Variants in ARHGAP6 observed in about 807,000 individuals in gnomAD.
The protein encoded by ARHGAP6 is rho GTPase-activating protein 6.
Under a neutral mutation model 55.7 loss-of-function variants are expected in ARHGAP6, and 16 were observed. The observed-to-expected ratio is 0.29, with a 90% CI of 0.19 to 0.44. The LOEUF (loss-of-function observed/expected upper bound fraction) is 0.44. Among genes scored for constraint, ARHGAP6 ranks in the 20% least tolerant of loss-of-function variants. The pLI is 1.00. For missense variants in ARHGAP6, 698 were observed against 808.9 expected (o/e 0.86, Z 1.66); for synonymous variants, 382 against 360.9 (o/e 1.06, Z -0.66).
intron 1 of ARHGAP6, among the ~76,000 whole-genome samples, chrX:11,469,921 T>A (rs1296764889): frequency 9.0e-6 from 1 of 111,285 alleles, no homozygotes; most frequent in Non-Finnish European, 1.9e-5. Context: ...CCAGTGCCCA[T>A]GTTGCATAAA....
Position 11,138,260 on chromosome X carries a change from C to G in ARHGAP6, c.*603G>C, listed in dbSNP as rs1349399911. Reference sequence around the variant, plus strand: ...CATTCAGTGATTTTTCTTTTTGTATCTGACTCCTATGTAAAAATATGGCTT... The same window carrying G: ...CATTCAGTGATTTTTCTTTTTGTATGTGACTCCTATGTAAAAATATGGCTT... On this transcript the variant is annotated 3_prime_UTR_variant, in exon 13 of 13. Transcript: ENST00000337414. 4 of 111,921 alleles carry G rather than the reference C, an allele frequency of 3.6e-5. No homozygotes were observed. Among genetic ancestry groups the G allele is most frequent in the South Asian group, 7.3e-4 (2 of 2,727 alleles). 9.2% of individuals were successfully genotyped at this position (111,921 alleles called of 1,213,427 possible). A position where few individuals can be genotyped will look rare whatever the true frequency, so the allele number is the denominator to read the frequency against.
chrX:11,180,976 A>G (rs2046307200), intron 6 of ARHGAP6, among the ~76,000 whole-genome samples: 1 of 112,554 alleles, frequency 8.9e-6, no homozygotes, highest in South Asian at 3.7e-4. Context: ...GTGATCTTGA[A>G]TTATGTTTCT....
intron 1 of ARHGAP6, among the ~76,000 whole-genome samples, chrX:11,426,974 G>A (rs2049886904): frequency 9.1e-6 from 1 of 110,075 alleles, no homozygotes; most frequent in Non-Finnish European, 1.9e-5. Flanking sequence ...TACGACAGAA[G>A]AGCCCCTGGT....
chrX:11,638,811 G>A (rs892176218), intron 1 of ARHGAP6, among the ~76,000 whole-genome samples: 1 of 111,823 alleles, frequency 8.9e-6, no homozygotes, highest in South Asian at 3.7e-4. Context: ...AATGTAAAAA[G>A]TATTTTTAAA....
intron 1 of ARHGAP6, among the ~76,000 whole-genome samples, chrX:11,473,162 T>C (rs1035630535): frequency 9.0e-6 from 1 of 111,537 alleles, no homozygotes; most frequent in Non-Finnish European, 1.9e-5. Context: ...ATTATCTTCA[T>C]CATGAATTCC....
rs771886842 is a variant in ARHGAP6 at position 11,506,278 on chromosome X, A to C, written c.588+157963T>G. ...ATATATACTTTAAGTTCTAGGGTAC[A>C]TGTGCAGAACGTGCAGTTTTGTTAC... On this transcript the variant is annotated intron_variant, in intron 1 of 12. Coordinates refer to ENST00000337414, the MANE Select transcript of ARHGAP6 (RefSeq NM_013427.3). 1.1e-4 allele frequency among the ~76,000 whole-genome samples: 12 copies of C among 111,326 alleles called. No individual in the cohort carries two copies. In the South Asian group the frequency reaches 3.1e-3, roughly 29 times the overall value.
chrX:11,474,007 G>A (rs1206997887), intron 1 of ARHGAP6, among the ~76,000 whole-genome samples: 6 of 110,945 alleles, frequency 5.4e-5, no homozygotes, highest in African/African-American at 1.3e-4. Flanking sequence ...AGCTCCTGGG[G>A]TCCAGGCTCT....
intron 1 of ARHGAP6, among the ~76,000 whole-genome samples, chrX:11,447,676 AG>A (rs1166290309): frequency 8.9e-6 from 1 of 112,117 alleles, no homozygotes; most frequent in Non-Finnish European, 1.9e-5. Context: ...ACTTTTACAC[AG>A]GGGTACTTGT....
chrX:11,635,345 A>G (rs1282011636), intron 1 of ARHGAP6, among the ~76,000 whole-genome samples: 1 of 112,092 alleles, frequency 8.9e-6, no homozygotes, highest in Non-Finnish European at 1.9e-5. Context: ...ATAATAAAGG[A>G]TTATGAGTGG....
At chrX:11,512,212 G>A (rs1378866454) in intron 1 of ARHGAP6, among the ~76,000 whole-genome samples, 1 of 111,896 alleles carries the variant, frequency 8.9e-6, no homozygotes, top group Non-Finnish European at 1.9e-5. Flanking sequence ...AGTTTTGTGT[G>A]ATAGCTATTT....
chrX:11,615,755 T>C (rs780191352), intron 1 of ARHGAP6, among the ~76,000 whole-genome samples: 1 of 112,318 alleles, frequency 8.9e-6, no homozygotes, highest in African/African-American at 3.2e-5. Context: ...ATAAAGACAA[T>C]GCTGAGTTTG....
intron 1 of ARHGAP6, among the ~76,000 whole-genome samples, chrX:11,558,836 CAAAAAAAAAAAAA>C (rs58936931): frequency 2.7e-4 from 8 of 30,079 alleles, no homozygotes; most frequent in African/African-American, 5.0e-4. Flanking sequence ...GATTCCATCT[CAAAAAAAAAAAAA>C]AAAAAAAAAA....
At chrX:11,501,034 T>C (rs766660310) in intron 1 of ARHGAP6, among the ~76,000 whole-genome samples, 1 of 112,251 alleles carries the variant, frequency 8.9e-6, no homozygotes, top group East Asian at 2.8e-4. Flanking sequence ...AAGGGCCAGA[T>C]AGTAAATATG....
At chrX:11,396,223 A>G (rs984086364) in intron 1 of ARHGAP6, among the ~76,000 whole-genome samples, 4 of 110,607 alleles carry the variant, frequency 3.6e-5, no homozygotes, top group Admixed American at 1.9e-4. Context: ...TCTCACCCTC[A>G]GGAACACTTT....
intron 10 of ARHGAP6, among the ~76,000 whole-genome samples, chrX:11,153,399 C>T (rs1310707558): frequency 9.2e-6 from 1 of 108,351 alleles, no homozygotes; most frequent in Non-Finnish European, 1.9e-5. Context: ...GTGGCATGCA[C>T]CTGTAATCTC....
At position 11,600,426 on chromosome X, in the gene ARHGAP6, A is replaced by G. The variant is rs142314184; in HGVS notation, c.588+63815T>C. Among the ~76,000 whole-genome samples the G allele has an allele frequency of 8.0e-5, 9 of 112,339 alleles. No homozygotes were observed. The East Asian group carries it at 2.2e-3, about 28-fold the overall frequency. On this transcript the variant is annotated intron_variant, in intron 1 of 12. Coordinates refer to ENST00000337414, the MANE Select transcript of ARHGAP6 (RefSeq NM_013427.3). ...TTGCAGCAGAATAACAAAGTCTTTT[A>G]TAAAATTTAAACTTGTGGAACAGAT...
In ARHGAP6 at chrX:11,525,853, T is replaced by G. The variant is rs1316534253; in HGVS notation, c.588+138388A>C. Among the ~76,000 whole-genome samples the G allele has an allele frequency of 3.6e-5, 4 of 111,180 alleles. No individual in the cohort carries two copies. In the East Asian group the frequency reaches 1.1e-3, roughly 32 times the overall value. Reference sequence around the variant, plus strand: ...TACGTCAGGCTCTATTTACCCATGTTGTTAGTAACCACATGGGCCCCTCCA... The same window carrying G: ...TACGTCAGGCTCTATTTACCCATGTGGTTAGTAACCACATGGGCCCCTCCA... On this transcript the variant is annotated intron_variant, in intron 1 of 12. Coordinates refer to ENST00000337414, the MANE Select transcript of ARHGAP6 (RefSeq NM_013427.3).
intron 1 of ARHGAP6, among the ~76,000 whole-genome samples, chrX:11,639,516 T>C (rs1371445309): frequency 9.0e-6 from 1 of 111,155 alleles, no homozygotes; most frequent in Non-Finnish European, 1.9e-5. Flanking sequence ...TCCAGCTGCA[T>C]CCATGTTCCT....
intron 1 of ARHGAP6, among the ~76,000 whole-genome samples, chrX:11,420,717 T>C (rs1418871112): frequency 4.5e-5 from 5 of 111,448 alleles, no homozygotes; most frequent in Non-Finnish European, 1.9e-5. Flanking sequence ...CCGGTCTGTG[T>C]CATTATCCTC....
Sources: gnomAD v4.1 joint callset for allele counts (sites outside exome capture counted in the v4.1 genomes callset) on GRCh38, gnomAD v4.1.1 for gene constraint, MANE v1.5 for transcripts, NCBI Gene and HGNC (gene_info 2026-07-23, HGNC 2026-07-21) for gene names.